NAA60: variants seen among roughly 807,000 people sequenced by gnomAD.
NAA60 encodes N-alpha-acetyltransferase 60.
Under a neutral mutation model 26.1 loss-of-function variants are expected in NAA60, and 8 were observed. That is an observed-to-expected ratio of 0.31 (90% confidence interval 0.18 to 0.55). NAA60 has a LOEUF of 0.55. Among genes scored for constraint, NAA60 ranks in the 20% least tolerant of loss-of-function variants. The probability of loss-of-function intolerance (pLI) is 0.93; values close to 1 mark genes in which losing one functional copy is unlikely to be tolerated. For synonymous variants in NAA60, 131 were observed against 122.5 expected, an observed-to-expected ratio of 1.07 and a Z score of -0.46; for missense variants, 290 against 311.3, an observed-to-expected ratio of 0.93 and a Z score of 0.51.
chr16:3,468,899 C>T (rs1596324565), intron 2 of NAA60, among the ~76,000 whole-genome samples: 1 of 152,178 alleles, frequency 6.6e-6, no homozygotes, highest in African/African-American at 2.4e-5. Flanking sequence ...ATTGGCCTGA[C>T]AAGGCCAACA....
intron 2 of NAA60, among the ~76,000 whole-genome samples, chr16:3,470,891 C>A (rs954394606): frequency 6.6e-6 from 1 of 152,216 alleles, no homozygotes; most frequent in African/African-American, 2.4e-5. Context: ...TCTTCTCTGC[C>A]CCTCAGTTGG....
At chr16:3,484,290 C>T (rs2037036016) in intron 6 of NAA60, among the ~76,000 whole-genome samples, 1 of 152,190 alleles carries the variant, frequency 6.6e-6, no homozygotes, top group Non-Finnish European at 1.5e-5. Flanking sequence ...TATGTGAAGA[C>T]AGGCATCCAG....
intron 2 of NAA60, among the ~76,000 whole-genome samples, chr16:3,460,464 A>G (rs1388599560): frequency 2.0e-5 from 3 of 152,158 alleles, no homozygotes; most frequent in Non-Finnish European, 4.4e-5. Flanking sequence ...CCCAAACTCA[A>G]GTGATTCTCC....
intron 4 of NAA60, among the ~76,000 whole-genome samples, chr16:3,480,266 T>G (rs1010552581): frequency 6.6e-6 from 1 of 152,136 alleles, no homozygotes; most frequent in Non-Finnish European, 1.5e-5. Flanking sequence ...AACTGGCAGA[T>G]GGTTCAATTT....
chr16:3,458,859 C>T (rs889595586), intron 2 of NAA60, among the ~76,000 whole-genome samples: 1 of 152,134 alleles, frequency 6.6e-6, no homozygotes, highest in Admixed American at 6.5e-5. Flanking sequence ...TAAAGGGAAT[C>T]TGTAGCTTTT....
intron 2 of NAA60, among the ~76,000 whole-genome samples, chr16:3,464,056 CAG>C (rs1390892013): frequency 6.6e-6 from 1 of 152,084 alleles, no homozygotes; most frequent in Non-Finnish European, 1.5e-5. Context: ...TATTTTGAGA[CAG>C]AGTCTCACTC....
At chr16:3,449,976 G>A (rs1054567948) in intron 2 of NAA60, 12 of 398,134 alleles carry the variant, frequency 3.0e-5, no homozygotes, top group South Asian at 1.3e-4. Context: ...TGTAAATTGC[G>A]CAGTCTCAGG....
chr16:3,454,442 A>G (rs573197553), intron 2 of NAA60, among the ~76,000 whole-genome samples: 2 of 152,354 alleles, frequency 1.3e-5, no homozygotes, highest in African/African-American at 2.4e-5. Context: ...AGGAGCAGAC[A>G]GACTCTCATA....
intron 5 of NAA60, chr16:3,482,958 C>T (rs1454088861): frequency 1.5e-5 from 7 of 473,214 alleles, no homozygotes; most frequent in East Asian, 1.2e-4. Flanking sequence ...TGAACACGCA[C>T]GAGGAAGCAA....
chr16:3,450,862 C>G (rs774205987), intron 2 of NAA60, among the ~76,000 whole-genome samples: 2 of 152,066 alleles, frequency 1.3e-5, no homozygotes, highest in African/African-American at 2.4e-5. Flanking sequence ...GGTATAGAAG[C>G]CTTGGGTGGG....
chr16:3,448,647 T>A, intron 2 of NAA60, 107 bp downstream of exon 2: 1 of 890,226 alleles, frequency 1.1e-6, no homozygotes, highest in Non-Finnish European at 1.7e-6. Context: ...AATATTCTCT[T>A]AATTTTTAGT....
At chr16:3,470,280 G>A (rs932909217) in intron 2 of NAA60, among the ~76,000 whole-genome samples, 19 of 152,182 alleles carry the variant, frequency 1.2e-4, no homozygotes, top group African/African-American at 2.2e-4. Context: ...TTCCCACCAG[G>A]CCTGGCTTGG....
At chr16:3,480,674 T>TTGGGAGGCCCAGG (rs60536105) in intron 4 of NAA60, among the ~76,000 whole-genome samples, 45,590 of 149,254 alleles carry the variant, frequency 0.31, 7,000 homozygotes, top group Middle Eastern at 0.33. Flanking sequence ...CCCCGGCATT[T>TTGGGAGGCCCAGG]TGGGCAGATC....
At chr16:3,461,050 G>GAGAC (rs2067265) in intron 2 of NAA60, among the ~76,000 whole-genome samples, 30,328 of 151,922 alleles carry the variant, frequency 0.2, 3,763 homozygotes, top group African/African-American at 0.34. Flanking sequence ...TTACAGGAGT[G>GAGAC]AGTTTGCCAG....
intron 1 of NAA60, among the ~76,000 whole-genome samples, 198 bp from the exon 2 acceptor site, chr16:3,448,273 C>CAAAAA (rs34119288): frequency 8.4e-6 from 1 of 118,710 alleles, no homozygotes; most frequent in Non-Finnish European, 1.7e-5. Context: ...GACCTTGTCT[C>CAAAAA]AAAAAAAAAA....
intron 3 of NAA60, among the ~76,000 whole-genome samples, chr16:3,479,074 TAA>T (rs1002348755): frequency 6.6e-6 from 1 of 150,514 alleles, no homozygotes; most frequent in Admixed American, 6.6e-5. Context: ...CATCTCTACT[TAA>T]AAAAAAATAC....
chr16:3,479,404 G>A (rs1016081386), intron 3 of NAA60, 67 bp from the exon 4 acceptor site: 82 of 1,572,016 alleles, frequency 5.2e-5, no homozygotes, highest in Non-Finnish European at 6.9e-5. Context: ...TGGTTCTGAT[G>A]TCTAGAGCAC....
intron 7 of NAA60, 192 bp from the exon 8 acceptor site, chr16:3,485,275 G>A (rs1567405019): frequency 1.7e-6 from 1 of 602,930 alleles, no homozygotes; most frequent in Non-Finnish European, 3.1e-6. Context: ...ACCCGACTTT[G>A]GATCCATCAG....
intron 1 of NAA60, among the ~76,000 whole-genome samples, chr16:3,444,176 G>A (rs947176064): frequency 7.9e-5 from 12 of 152,044 alleles, no homozygotes; most frequent in Non-Finnish European, 7.4e-5. Flanking sequence ...GTTCGCCCCC[G>A]GATACCTCAC....
Sources: gnomAD v4.1 joint callset for allele counts (sites outside exome capture counted in the v4.1 genomes callset) on GRCh38, gnomAD v4.1.1 for gene constraint, MANE v1.5 for transcripts, NCBI Gene and HGNC (gene_info 2026-07-23, HGNC 2026-07-21) for gene names.